ASIC2: variants seen among roughly 807,000 people sequenced by gnomAD.
The protein encoded by ASIC2 is acid-sensing ion channel 2.
In ASIC2, 25 loss-of-function variants were observed where a neutral mutation model predicts 57.3. The ratio of observed to expected loss-of-function variants is 0.44; its 90% CI spans 0.32 to 0.61. The LOEUF (loss-of-function observed/expected upper bound fraction) is 0.61. ASIC2 is among the 20% of genes least tolerant of loss of function. The pLI is 0.06. For synonymous variants in ASIC2, 319 were observed against 307.5 expected, an observed-to-expected ratio of 1.04 and a Z score of -0.39; for missense variants, 641 against 738.1, an observed-to-expected ratio of 0.87 and a Z score of 1.52.
intron 1 of ASIC2, among the ~76,000 whole-genome samples, chr17:33,439,812 C>T (rs961433891): frequency 6.6e-6 from 1 of 152,192 alleles, no homozygotes; most frequent in African/African-American, 2.4e-5. Flanking sequence ...CTTGGCTGGC[C>T]TCTGCACCCA....
intron 1 of ASIC2, among the ~76,000 whole-genome samples, chr17:34,133,222 A>G (rs995750847): frequency 5.9e-5 from 9 of 151,850 alleles, no homozygotes; most frequent in African/African-American, 2.2e-4. Flanking sequence ...AAGGGTATGA[A>G]CTCAGATTTC....
chr17:33,838,921 A>T (rs546458339), intron 1 of ASIC2, among the ~76,000 whole-genome samples: 2 of 152,342 alleles, frequency 1.3e-5, no homozygotes, highest in South Asian at 2.1e-4. Context: ...CTCAGATTTT[A>T]ATGTGCATGC....
At chr17:33,300,035 A>G (rs1905886112) in intron 1 of ASIC2, among the ~76,000 whole-genome samples, 2 of 152,300 alleles carry the variant, frequency 1.3e-5, no homozygotes, top group East Asian at 3.9e-4. Flanking sequence ...TTTAAAAAGA[A>G]TCCATTTTGA....
intron 1 of ASIC2, among the ~76,000 whole-genome samples, chr17:33,865,309 A>G (rs537867242): frequency 6.6e-6 from 1 of 152,364 alleles, no homozygotes; most frequent in Admixed American, 6.5e-5. Flanking sequence ...GGATCAACCC[A>G]GTAACCTGGC....
At chr17:33,102,883 ACGCCATTCT>A (rs1297612484) in intron 2 of ASIC2, among the ~76,000 whole-genome samples, 1 of 152,096 alleles carries the variant, frequency 6.6e-6, no homozygotes, top group African/African-American at 2.4e-5. Context: ...TTCCAGGTTC[ACGCCATTCT>A]CCTGCCTCAG....
chr17:33,993,752 T>C (rs191726384), intron 1 of ASIC2, among the ~76,000 whole-genome samples: 44 of 152,266 alleles, frequency 2.9e-4, no homozygotes, highest in Middle Eastern at 6.8e-3. Context: ...TTTAGTCTAG[T>C]GTCTGTTCTG....
chr17:34,150,441 T>G (rs544636915), intron 1 of ASIC2, among the ~76,000 whole-genome samples: 1 of 152,308 alleles, frequency 6.6e-6, no homozygotes, highest in African/African-American at 2.4e-5. Context: ...GTAATACATA[T>G]GTTAAATAGT....
chr17:34,073,975 C>T (rs1909525363), intron 1 of ASIC2, among the ~76,000 whole-genome samples: 1 of 152,188 alleles, frequency 6.6e-6, no homozygotes, highest in South Asian at 2.1e-4. Flanking sequence ...ACTGTCTGCA[C>T]ATGCAGCCAA....
At position 34,083,693 on chromosome 17, in the gene ASIC2, G is replaced by C. The variant is rs573015165; in HGVS notation, c.555+72285C>G. On this transcript the variant is annotated intron_variant, in intron 1 of 9. Coordinates refer to the ASIC2 transcript ENST00000359872. ...TCCTCTCCAGCACCTGTTGTTTCCT[G>C]ACTTTTTAATGATTGCCATTCTAAC... Among the ~76,000 whole-genome samples, 5 of 152,232 alleles carry C rather than the reference G, an allele frequency of 3.3e-5. No individual in the cohort carries two copies. In the East Asian group the frequency reaches 5.8e-4, roughly 18 times the overall value.
At chr17:33,961,740 A>G (rs1001100529) in intron 1 of ASIC2, among the ~76,000 whole-genome samples, 7 of 108,228 alleles carry the variant, frequency 6.5e-5, no homozygotes, top group Non-Finnish European at 7.6e-5. Flanking sequence ...CATATTTGGG[A>G]GGGAAAAAAA....
intron 1 of ASIC2, among the ~76,000 whole-genome samples, chr17:33,537,861 AG>A (rs1005139750): frequency 3.4e-4 from 52 of 152,206 alleles, no homozygotes; most frequent in South Asian, 2.1e-4. Context: ...GTGTGTGTCT[AG>A]GAGGGGCAAT....
At chr17:33,893,447 A>G (rs1344535682) in intron 1 of ASIC2, among the ~76,000 whole-genome samples, 2 of 152,212 alleles carry the variant, frequency 1.3e-5, no homozygotes, top group Admixed American at 1.3e-4. Flanking sequence ...GACTTAACGT[A>G]GGTCAGGTAT....
intron 1 of ASIC2, among the ~76,000 whole-genome samples, chr17:33,734,057 C>G (rs1909831841): frequency 6.6e-6 from 1 of 152,176 alleles, no homozygotes; most frequent in Non-Finnish European, 1.5e-5. Context: ...TCTGATTTCA[C>G]TGAGAAAATA....
At chr17:33,579,281 T>G in intron 1 of ASIC2, among the ~76,000 whole-genome samples, 1 of 101,522 alleles carries the variant, frequency 9.9e-6, no homozygotes, top group Non-Finnish European at 1.8e-5. Context: ...AATGAAACTG[T>G]GTCTCAAAAA....
At chr17:33,943,402 A>T (rs1319624407) in intron 1 of ASIC2, among the ~76,000 whole-genome samples, 1 of 152,216 alleles carries the variant, frequency 6.6e-6, no homozygotes, top group Admixed American at 6.5e-5. Context: ...AAATGAAGAG[A>T]GAATATGATC....
At chr17:33,475,539 G>T (rs17782543) in intron 1 of ASIC2, among the ~76,000 whole-genome samples, 3,985 of 152,246 alleles carry the variant, frequency 0.026, 58 homozygotes, top group Middle Eastern at 0.085. Context: ...TGGCTTTGTT[G>T]GTTGGACATA....
intron 3 of ASIC2, among the ~76,000 whole-genome samples, chr17:33,032,459 T>C (rs2091888023): frequency 1.0e-5 from 1 of 97,652 alleles, no homozygotes. Context: ...TTTTTTTTTT[T>C]TTTTTTTGAG....
chr17:33,932,741 A>AAATATATATATAT (rs1555572867), intron 1 of ASIC2: 2 of 58,716 alleles, frequency 3.4e-5, no homozygotes, highest in African/African-American at 6.8e-5. Context: ...AAAAAAAAAA[A>AAATATATATATAT]ATATATATAT....
At chr17:33,308,604 C>T (rs1906277768) in intron 1 of ASIC2, among the ~76,000 whole-genome samples, 1 of 151,966 alleles carries the variant, frequency 6.6e-6, no homozygotes, top group Non-Finnish European at 1.5e-5. Flanking sequence ...TGTGTCATCA[C>T]TGAACAAACG....
Sources: gnomAD v4.1 joint callset for allele counts (sites outside exome capture counted in the v4.1 genomes callset) on GRCh38, gnomAD v4.1.1 for gene constraint, MANE v1.5 for transcripts, NCBI Gene and HGNC (gene_info 2026-07-23, HGNC 2026-07-21) for gene names.